ABCB1: variants seen among roughly 807,000 people sequenced by gnomAD.
ABCB1 encodes the protein ATP-dependent translocase ABCB1.
Under a neutral mutation model 142.0 loss-of-function variants are expected in ABCB1, and 69 were observed. That is an observed-to-expected ratio of 0.49 (90% CI 0.40 to 0.59). ABCB1 has a LOEUF of 0.59. Ranked by LOEUF, ABCB1 falls within the 20% of genes least tolerant of loss-of-function variation. The probability of loss-of-function intolerance (pLI) is 0.00; values close to 1 mark genes in which losing one functional copy is unlikely to be tolerated. For missense variants in ABCB1, 1,326 were observed against 1,554.7 expected (o/e 0.85, Z 2.47); for synonymous variants, 532 against 539.2 (o/e 0.99, Z 0.18).
At chr7:87,600,272 G>C in intron 1 of ABCB1, 82 bp from the exon 2 acceptor site, 3 of 1,182,660 alleles carry the variant, frequency 2.5e-6, no homozygotes, top group Non-Finnish European at 3.7e-6. Context: ...GTCCCCCGTC[G>C]AAGCCAGAGA....
intron 1 of ABCB1, among the ~76,000 whole-genome samples, chr7:87,706,449 A>G (rs1447810265): frequency 1.3e-5 from 2 of 152,202 alleles, no homozygotes; most frequent in East Asian, 3.8e-4. Context: ...GTAAGAAAAC[A>G]ATCAGGTTCC....
intron 1 of ABCB1, among the ~76,000 whole-genome samples, chr7:87,696,680 G>A (rs1828519107): frequency 6.6e-6 from 1 of 152,034 alleles, no homozygotes; most frequent in Non-Finnish European, 1.5e-5. Flanking sequence ...GGAAAAGGAA[G>A]GAAGCCAGAA....
At chr7:87,509,244 T>C in intron 26 of ABCB1, 31 bp downstream of exon 26, 1 of 1,611,090 alleles carries the variant, frequency 6.2e-7, no homozygotes, top group Non-Finnish European at 8.5e-7. Flanking sequence ...TGCCACATGC[T>C]CCCAGGCTGT....
intron 1 of ABCB1, among the ~76,000 whole-genome samples, chr7:87,711,727 ACATTT>A (rs944665865): frequency 5.3e-5 from 8 of 152,206 alleles, no homozygotes; most frequent in African/African-American, 1.9e-4. Flanking sequence ...GTGCTGTATC[ACATTT>A]CAGATGTCCC....
At chr7:87,611,760 A>G (rs1335369710) in intron 1 of ABCB1, among the ~76,000 whole-genome samples, 2 of 152,330 alleles carry the variant, frequency 1.3e-5, no homozygotes, top group East Asian at 3.9e-4. Flanking sequence ...ATCTGTTGCA[A>G]ATAAAATAAT....
rs866577686 is a variant in ABCB1, at chr7:87,695,659, A to G, written c.-331+17502T>C. On this transcript the variant is annotated intron_variant, in intron 1 of 28. Transcript: ENST00000265724. ...TTTATCATTCACTTTTTACATAGCTAAGCACTATTACTAAAGATGGGGAAT... is the reference window on the plus strand; with the variant it reads ...TTTATCATTCACTTTTTACATAGCTGAGCACTATTACTAAAGATGGGGAAT... 3.9e-5 allele frequency among the ~76,000 whole-genome samples: 6 copies of G among 152,202 alleles called. 1 individual carries two copies. The South Asian group carries it at 1.2e-3, about 32-fold the overall frequency.
At chr7:87,640,062 T>C (rs1437066291) in intron 1 of ABCB1, among the ~76,000 whole-genome samples, 1 of 150,864 alleles carries the variant, frequency 6.6e-6, no homozygotes, top group Non-Finnish European at 1.5e-5. Context: ...TGTTTATATA[T>C]ATTTCTATTC....
chr7:87,564,468 T>G (rs1236832256), intron 7 of ABCB1, among the ~76,000 whole-genome samples: 5 of 152,136 alleles, frequency 3.3e-5, no homozygotes, highest in Non-Finnish European at 5.9e-5. Context: ...CCAGTGTCTC[T>G]GGGCGCTGGG....
At position 87,505,967 on chromosome 7, in the gene ABCB1, G is replaced by A. The variant is rs1378191421; in HGVS notation, c.3566C>T (p.Ala1189Val). The A allele has an allele frequency of 6.2e-7, 1 of 1,614,100 alleles. No individual in the cohort carries two copies. Among genetic ancestry groups the A allele is most frequent in the East Asian group, 2.2e-5 (1 of 44,884 alleles). The change falls in exon 27 of 28, where the codon GCC becomes GTC. Residue 1189 changes from alanine to valine, a missense_variant. By Grantham distance (64) the Ala-to-Val change is moderately conservative. Coordinates refer to ENST00000622132, the MANE Select transcript of ABCB1 (RefSeq NM_001348946.2). ...GQKQRIAIAR[A>V]LVRQPHILLL... Reference sequence around the variant, plus strand: ...CAAAATATGAGGCTGTCTAACAAGGGCACGAGCTATGGCAATGCGTTGTTT... The same window carrying A: ...CAAAATATGAGGCTGTCTAACAAGGACACGAGCTATGGCAATGCGTTGTTT...
chr7:87,573,775 A>C (rs571536679), intron 4 of ABCB1, among the ~76,000 whole-genome samples: 6 of 152,260 alleles, frequency 3.9e-5, no homozygotes, highest in Admixed American at 6.5e-5. Context: ...CTTTACCCCC[A>C]CACCTATCTC....
At chr7:87,696,570 G>A (rs1393875714) in intron 1 of ABCB1, among the ~76,000 whole-genome samples, 1 of 152,140 alleles carries the variant, frequency 6.6e-6, no homozygotes, top group Non-Finnish European at 1.5e-5. Context: ...TTGTTTGGAG[G>A]TTCTAGCAAG....
At chr7:87,597,524 T>C (rs1026109569) in intron 2 of ABCB1, among the ~76,000 whole-genome samples, 21 of 152,028 alleles carry the variant, frequency 1.4e-4, no homozygotes, top group Non-Finnish European at 2.4e-4. Flanking sequence ...ATAATAGAAA[T>C]ATGTGAAAGA....
chr7:87,530,486 G>T (rs1470855279), intron 21 of ABCB1, among the ~76,000 whole-genome samples: 1 of 151,882 alleles, frequency 6.6e-6, no homozygotes, highest in East Asian at 1.9e-4. Flanking sequence ...ACCCCATATG[G>T]TTGCTATAAG....
At chr7:87,611,131 G>A (rs1448389592) in intron 1 of ABCB1, among the ~76,000 whole-genome samples, 1 of 152,162 alleles carries the variant, frequency 6.6e-6, no homozygotes, top group African/African-American at 2.4e-5. Flanking sequence ...GGTAAGGCCT[G>A]CAAGGGCTTC....
intron 4 of ABCB1, among the ~76,000 whole-genome samples, chr7:87,581,217 C>T (rs1818493436): frequency 6.6e-6 from 1 of 152,050 alleles, no homozygotes; most frequent in African/African-American, 2.4e-5. Flanking sequence ...TCAGCCTCTC[C>T]AATAGCTGGG....
intron 1 of ABCB1, among the ~76,000 whole-genome samples, chr7:87,645,070 A>G (rs1193146617): frequency 6.8e-6 from 1 of 147,950 alleles, no homozygotes; most frequent in South Asian, 2.1e-4. Context: ...AGTCACAATC[A>G]TGCTTTCTTT....
intron 1 of ABCB1, among the ~76,000 whole-genome samples, chr7:87,635,802 T>G (rs1158242130): frequency 6.6e-6 from 1 of 152,150 alleles, no homozygotes; most frequent in Non-Finnish European, 1.5e-5. Context: ...AACACCATGG[T>G]TTGTTTTGCC....
intron 3 of ABCB1, among the ~76,000 whole-genome samples, chr7:87,586,984 T>C (rs1818785087): frequency 6.6e-6 from 1 of 152,216 alleles, no homozygotes; most frequent in Non-Finnish European, 1.5e-5. Context: ...TAAGTTTGGG[T>C]TCATGGCATA....
intron 8 of ABCB1, among the ~76,000 whole-genome samples, chr7:87,554,806 G>C (rs1356187706): frequency 6.6e-6 from 1 of 152,112 alleles, no homozygotes; most frequent in Non-Finnish European, 1.5e-5. Context: ...CATATCTATA[G>C]CCCTGAACCC....
Sources: allele counts gnomAD v4.1 joint callset (sites outside exome capture counted in the v4.1 genomes callset), GRCh38; gene constraint gnomAD v4.1.1; transcripts MANE v1.5; gene names NCBI Gene and HGNC (gene_info 2026-07-23, HGNC 2026-07-21).